PPARGC1A: variants seen among roughly 807,000 people sequenced by gnomAD.
PPARGC1A encodes the protein PPARG coactivator 1 alpha.
Under a neutral mutation model 88.7 loss-of-function variants are expected in PPARGC1A, and 25 were observed. That is an observed-to-expected ratio of 0.28 (90% CI 0.21 to 0.39). The LOEUF (loss-of-function observed/expected upper bound fraction) is 0.39. Ranked by LOEUF, PPARGC1A falls within the 10% of genes least tolerant of loss-of-function variation. PPARGC1A has a pLI of 1.00. For synonymous variants in PPARGC1A, 363 were observed against 355.6 expected, an observed-to-expected ratio of 1.02 and a Z score of -0.24; for missense variants, 880 against 968.7, an observed-to-expected ratio of 0.91 and a Z score of 1.22.
At chr4:24,270,333 C>A in the PPARGC1A span, among the ~76,000 whole-genome samples, 1 of 149,056 alleles carries the variant, frequency 6.7e-6, no homozygotes, top group African/African-American at 2.5e-5. Flanking sequence ...CTCTCTCTCT[C>A]TGTGTGTGTG....
the PPARGC1A span, among the ~76,000 whole-genome samples, chr4:24,320,437 C>T: frequency 6.6e-6 from 1 of 152,182 alleles, no homozygotes; most frequent in African/African-American, 2.4e-5. Flanking sequence ...ACAACCTTAG[C>T]ATTCAATATT....
the PPARGC1A span, among the ~76,000 whole-genome samples, chr4:24,392,893 T>C: frequency 1.7e-3 from 256 of 152,238 alleles, 1 homozygote; most frequent in African/African-American, 5.9e-3. Flanking sequence ...TTTATCTCTC[T>C]TTCTTTCTGC....
chr4:24,243,222 G>T, the PPARGC1A span, among the ~76,000 whole-genome samples: 1 of 152,124 alleles, frequency 6.6e-6, no homozygotes, highest in South Asian at 2.1e-4. Context: ...CTCCTTGAGT[G>T]CAGAAGCTAT....
the PPARGC1A span, among the ~76,000 whole-genome samples, chr4:24,332,050 T>C: frequency 1.3e-5 from 2 of 152,154 alleles, no homozygotes; most frequent in Non-Finnish European, 2.9e-5. Context: ...GGCAGTAGTC[T>C]ACATGCTGCT....
chr4:24,370,747 C>CT, the PPARGC1A span, among the ~76,000 whole-genome samples: 2 of 114,612 alleles, frequency 1.7e-5, no homozygotes, highest in South Asian at 6.3e-4. Context: ...TCCTGTCTCT[C>CT]TCTTTTTTTT....
the PPARGC1A span, among the ~76,000 whole-genome samples, chr4:24,155,958 T>C: frequency 1.3e-5 from 2 of 152,202 alleles, no homozygotes; most frequent in Non-Finnish European, 2.9e-5. Flanking sequence ...TATAGACCCC[T>C]ATACCCAGCT....
At chr4:23,981,854 A>G in the PPARGC1A span, among the ~76,000 whole-genome samples, 1 of 152,104 alleles carries the variant, frequency 6.6e-6, no homozygotes, top group Non-Finnish European at 1.5e-5. Flanking sequence ...AGGAATAGGG[A>G]AGCTAAGGAG....
the PPARGC1A span, among the ~76,000 whole-genome samples, chr4:24,145,537 A>G: frequency 6.6e-5 from 10 of 152,196 alleles, no homozygotes; most frequent in South Asian, 2.1e-3. Context: ...TGATGCCCTG[A>G]AAGGCTTTGT....
At chr4:24,200,502 ACT>A in the PPARGC1A span, among the ~76,000 whole-genome samples, 2 of 151,862 alleles carry the variant, frequency 1.3e-5, no homozygotes, top group Non-Finnish European at 2.9e-5. Context: ...CAAGAGCGAA[ACT>A]CTGACTCAAA....
chr4:24,060,876 A>T, the PPARGC1A span, among the ~76,000 whole-genome samples: 13 of 152,184 alleles, frequency 8.5e-5, no homozygotes, highest in Non-Finnish European at 1.8e-4. Flanking sequence ...CACATGAATT[A>T]ACCATTTAAT....
upstream of PPARGC1A, among the ~76,000 whole-genome samples, chr4:23,907,278 G>T (rs767686345): frequency 1.3e-5 from 2 of 152,200 alleles, no homozygotes; most frequent in African/African-American, 2.4e-5. Context: ...GAGTAGCAAT[G>T]AAAGTTGCAT....
the PPARGC1A span, among the ~76,000 whole-genome samples, chr4:24,045,302 G>A: frequency 6.6e-6 from 1 of 152,142 alleles, no homozygotes; most frequent in Non-Finnish European, 1.5e-5. Context: ...TAGATGCTGA[G>A]CAAAGATACA....
chr4:24,264,862 C>A, the PPARGC1A span, among the ~76,000 whole-genome samples: 1 of 152,124 alleles, frequency 6.6e-6, no homozygotes, highest in Non-Finnish European at 1.5e-5. Flanking sequence ...GGAATACTTG[C>A]AGGTGTTACT....
At chr4:24,137,212 C>G in the PPARGC1A span, among the ~76,000 whole-genome samples, 1 of 151,592 alleles carries the variant, frequency 6.6e-6, no homozygotes, top group Non-Finnish European at 1.5e-5. Context: ...GATTAGGACA[C>G]AGACACACAG....
chr4:24,108,164 G>A, the PPARGC1A span, among the ~76,000 whole-genome samples: 25 of 152,226 alleles, frequency 1.6e-4, no homozygotes, highest in African/African-American at 6.0e-4. Context: ...AAGCTAAGAA[G>A]TTCTAGTATT....
At chr4:24,047,743 C>G in the PPARGC1A span, among the ~76,000 whole-genome samples, 1 of 152,130 alleles carries the variant, frequency 6.6e-6, no homozygotes, top group African/African-American at 2.4e-5. Context: ...GCAAGTAAAC[C>G]AGGCCTATCT....
At chr4:24,048,639 C>A in the PPARGC1A span, among the ~76,000 whole-genome samples, 1 of 152,158 alleles carries the variant, frequency 6.6e-6, no homozygotes, top group Non-Finnish European at 1.5e-5. Context: ...TGCATCTTAT[C>A]CCAAATAGTT....
At chr4:23,928,629 A>G in the PPARGC1A span, among the ~76,000 whole-genome samples, 3 of 152,088 alleles carry the variant, frequency 2.0e-5, no homozygotes, top group Non-Finnish European at 4.4e-5. Context: ...AAATCATTCT[A>G]TTACAAAGAT....
At chr4:24,246,656 A>T in the PPARGC1A span, among the ~76,000 whole-genome samples, 2 of 152,204 alleles carry the variant, frequency 1.3e-5, no homozygotes, top group Non-Finnish European at 2.9e-5. Context: ...AAATATTTGT[A>T]AACAAATTTG....
Sources: allele counts gnomAD v4.1 joint callset (sites outside exome capture counted in the v4.1 genomes callset), GRCh38; gene constraint gnomAD v4.1.1; transcripts MANE v1.5; gene names NCBI Gene and HGNC (gene_info 2026-07-23, HGNC 2026-07-21).